Variants in AHCYL2 observed in about 807,000 individuals in gnomAD.
AHCYL2 encodes the protein adenosylhomocysteinase like 2.
A neutral mutation model predicts 81.4 loss-of-function variants in AHCYL2; 28 were observed. That is an observed-to-expected ratio of 0.34 (90% CI 0.25 to 0.47). The LOEUF (loss-of-function observed/expected upper bound fraction) is 0.47. AHCYL2 is among the 20% of genes least tolerant of loss of function. AHCYL2 has a pLI of 1.00. For synonymous variants in AHCYL2, 272 were observed against 290.2 expected (o/e 0.94, Z 0.64); for missense variants, 551 against 785.1 (o/e 0.70, Z 3.56).
At chr7:129,341,405 GAC>G (rs1248817572) in intron 1 of AHCYL2, among the ~76,000 whole-genome samples, 1 of 152,148 alleles carries the variant, frequency 6.6e-6, no homozygotes, top group African/African-American at 2.4e-5. Context: ...GTGGTTGGGG[GAC>G]ACTTTCACAA....
intron 1 of AHCYL2, among the ~76,000 whole-genome samples, chr7:129,237,238 A>G (rs552631657): frequency 2.6e-5 from 4 of 152,170 alleles, no homozygotes; most frequent in East Asian, 1.9e-4. Flanking sequence ...TGTATTTATT[A>G]TATTTTGGTC....
intron 1 of AHCYL2, among the ~76,000 whole-genome samples, chr7:129,303,730 A>G (rs1797329665): frequency 6.6e-6 from 1 of 152,002 alleles, no homozygotes; most frequent in African/African-American, 2.4e-5. Context: ...TTTAAGATGC[A>G]TTGTTAGGCT....
rs1056351122 is a variant in AHCYL2, at chr7:129,363,180, G to T, written c.364-16458G>T. 3.3e-5 allele frequency among the ~76,000 whole-genome samples: 5 copies of T among 151,948 alleles called. No homozygotes were observed. In the East Asian group the frequency reaches 9.6e-4, roughly 29 times the overall value. On this transcript the variant is annotated intron_variant, in intron 1 of 16. Transcript: ENST00000325006. ...GATACAGTTTGCATAACTTTTTTTT[G>T]AAGTTGCCAACTCCTCACCTACATG...
At chr7:129,382,202 G>A (rs2150890615) in intron 2 of AHCYL2, among the ~76,000 whole-genome samples, 1 of 152,312 alleles carries the variant, frequency 6.6e-6, no homozygotes, top group South Asian at 2.1e-4. Context: ...CGAATGAAAA[G>A]CCAAAAGTAA....
intron 10 of AHCYL2, among the ~76,000 whole-genome samples, chr7:129,407,544 G>C (rs1796363572): frequency 6.6e-6 from 1 of 151,938 alleles, no homozygotes; most frequent in Non-Finnish European, 1.5e-5. Flanking sequence ...GTAGCCTAGG[G>C]GAACCATCAT....
At chr7:129,288,730 A>T (rs1796727947) in intron 1 of AHCYL2, among the ~76,000 whole-genome samples, 1 of 152,132 alleles carries the variant, frequency 6.6e-6, no homozygotes, top group African/African-American at 2.4e-5. Context: ...GAAGGTACAT[A>T]AATGTCTGCA....
chr7:129,413,387 C>T (rs552737487), intron 11 of AHCYL2, among the ~76,000 whole-genome samples: 6 of 151,448 alleles, frequency 4.0e-5, no homozygotes, highest in East Asian at 2.0e-4. Flanking sequence ...GTGATCCGCC[C>T]GTCTCAGCCT....
At chr7:129,253,936 A>G (rs776063044) in intron 1 of AHCYL2, among the ~76,000 whole-genome samples, 2 of 152,234 alleles carry the variant, frequency 1.3e-5, no homozygotes, top group African/African-American at 4.8e-5. Context: ...CTTAACTATT[A>G]TGATTTAGTT....
intron 1 of AHCYL2, chr7:129,375,940 C>T (rs1229527941): frequency 1.3e-6 from 2 of 1,535,950 alleles, no homozygotes; most frequent in Non-Finnish European, 1.7e-6. Flanking sequence ...AGGCTAAGCT[C>T]TTATTTACCA....
At chr7:129,380,036 C>G (rs533255548) in intron 2 of AHCYL2, among the ~76,000 whole-genome samples, 16 of 150,966 alleles carry the variant, frequency 1.1e-4, no homozygotes, top group Non-Finnish European at 1.3e-4. Context: ...CATTGATGAT[C>G]TTTCCGGAAC....
intron 1 of AHCYL2, among the ~76,000 whole-genome samples, chr7:129,290,668 C>T (rs868853412): frequency 1.3e-5 from 2 of 150,668 alleles, no homozygotes; most frequent in African/African-American, 4.9e-5. Context: ...TGGTGGCTCA[C>T]GCCTGTAATC....
At chr7:129,377,757 T>TC (rs943143377) in intron 1 of AHCYL2, 2 of 371,198 alleles carry the variant, frequency 5.4e-6, no homozygotes, top group African/African-American at 4.2e-5. Context: ...GAGCTTTTTT[T>TC]CCCCAAACAA....
At chr7:129,375,450 G>A (rs1794633648) in intron 1 of AHCYL2, among the ~76,000 whole-genome samples, 1 of 152,162 alleles carries the variant, frequency 6.6e-6, no homozygotes, top group Admixed American at 6.5e-5. Flanking sequence ...AGGAGGTAAG[G>A]TTGAAAAGGA....
chr7:129,362,602 T>G (rs923457611), intron 1 of AHCYL2, among the ~76,000 whole-genome samples: 47 of 131,758 alleles, frequency 3.6e-4, no homozygotes, highest in Middle Eastern at 3.3e-3. Flanking sequence ...TTCTTGTTTT[T>G]TTTTTTTTTT....
intron 1 of AHCYL2, among the ~76,000 whole-genome samples, chr7:129,233,034 C>G (rs1334823346): frequency 1.3e-5 from 2 of 152,112 alleles, no homozygotes; most frequent in Non-Finnish European, 2.9e-5. Flanking sequence ...CTGAGAGTTG[C>G]TAGAGAAAAT....
intron 1 of AHCYL2, among the ~76,000 whole-genome samples, chr7:129,229,362 T>G (rs974794305): frequency 6.6e-6 from 1 of 152,162 alleles, no homozygotes; most frequent in African/African-American, 2.4e-5. Context: ...CCATTAGCCT[T>G]TTATGTGCCA....
At chr7:129,228,757 A>G (rs1218116934) in intron 1 of AHCYL2, among the ~76,000 whole-genome samples, 1 of 152,276 alleles carries the variant, frequency 6.6e-6, no homozygotes, top group African/African-American at 2.4e-5. Flanking sequence ...TTGTGCTTAC[A>G]TCAGTATCAG....
intron 1 of AHCYL2, among the ~76,000 whole-genome samples, chr7:129,363,969 G>T (rs1794018435): frequency 6.6e-6 from 1 of 151,858 alleles, no homozygotes; most frequent in African/African-American, 2.4e-5. Context: ...GGTGGCTCAT[G>T]TCTGTAATCC....
intron 12 of AHCYL2, among the ~76,000 whole-genome samples, chr7:129,417,895 A>G (rs1408295495): frequency 6.6e-6 from 1 of 152,200 alleles, no homozygotes; most frequent in Non-Finnish European, 1.5e-5. Context: ...AAAGAAATAG[A>G]TTGTTATTGT....
Sources: allele counts gnomAD v4.1 joint callset (sites outside exome capture counted in the v4.1 genomes callset), GRCh38; gene constraint gnomAD v4.1.1; transcripts MANE v1.5; gene names NCBI Gene and HGNC (gene_info 2026-07-23, HGNC 2026-07-21).